The following PACRG variants were observed in gnomAD, a reference collection of about 807,000 sequenced individuals.
PACRG encodes the protein parkin coregulated gene protein.
A neutral mutation model predicts 29.7 loss-of-function variants in PACRG; 29 were observed. The ratio of observed to expected loss-of-function variants is 0.98; its 90% CI spans 0.73 to 1.33. The LOEUF is 1.33. Ranked by LOEUF, PACRG falls within the 40% of genes most tolerant of loss-of-function variation. PACRG has a pLI of 0.00. For missense variants in PACRG, 279 were observed against 316.2 expected, an observed-to-expected ratio of 0.88 and a Z score of 0.89; for synonymous variants, 116 against 118.7, an observed-to-expected ratio of 0.98 and a Z score of 0.15.
intron 2 of PACRG, among the ~76,000 whole-genome samples, chr6:163,025,260 A>G (rs540177333): frequency 1.7e-4 from 26 of 152,350 alleles, no homozygotes; most frequent in Non-Finnish European, 3.4e-4. Context: ...CAAAGAATTA[A>G]AAGCCATCCA....
At position 163,121,961 on chromosome 6, in the gene PACRG, C is replaced by T. The variant is rs140712313; in HGVS notation, c.613+32553C>T. On this transcript the variant is annotated intron_variant, in intron 4 of 4. Transcript: ENST00000366888. ...ACAGGTGTGAGCCACCACGCCTGGC[C>T]GGTGATCTTTTTCTCTTTCTCTTTT... 2.9e-3 allele frequency among the ~76,000 whole-genome samples: 440 copies of T among 152,106 alleles called. 1 individual carries two copies. The highest frequency in any genetic ancestry group is 9.8e-3 in the African/African-American group (405 of 41,484).
Position 162,991,887 on chromosome 6 carries a change from A to G in PACRG, c.292-70263A>G, listed in dbSNP as rs1413603857. On this transcript the variant is annotated intron_variant, in intron 2 of 4. Coordinates refer to ENST00000366888, the MANE Select transcript of PACRG (RefSeq NM_001080379.2). Reference sequence around the variant, plus strand: ...TATTGGCTGTGGGTTTGTCATAGATAGCTCTTATTATTTTGAAATATGTCC... The same window carrying G: ...TATTGGCTGTGGGTTTGTCATAGATGGCTCTTATTATTTTGAAATATGTCC... 5.9e-4 allele frequency among the ~76,000 whole-genome samples: 71 copies of G among 120,770 alleles called. 2 individuals are homozygous for G. In the East Asian group the frequency reaches 0.016, roughly 27 times the overall value. 79.2% of individuals were successfully genotyped at this position (120,770 alleles called of 152,430 possible).
intron 4 of PACRG, among the ~76,000 whole-genome samples, chr6:163,251,741 T>C (rs1047451023): frequency 1.3e-5 from 2 of 152,152 alleles, no homozygotes; most frequent in African/African-American, 4.8e-5. Context: ...AAAATACAAA[T>C]TCCAGGATGC....
intron 2 of PACRG, among the ~76,000 whole-genome samples, chr6:162,979,214 C>T (rs1039700697): frequency 2.0e-5 from 3 of 152,146 alleles, no homozygotes; most frequent in Admixed American, 6.6e-5. Context: ...AAGCTTGCCA[C>T]TCCCTTCCTC....
At chr6:163,240,327 G>C (rs1266453525) in intron 4 of PACRG, among the ~76,000 whole-genome samples, 1 of 152,220 alleles carries the variant, frequency 6.6e-6, no homozygotes, top group Non-Finnish European at 1.5e-5. Context: ...GACGGGGACA[G>C]AAAATTTAAG....
intron 4 of PACRG, among the ~76,000 whole-genome samples, chr6:163,286,380 A>G (rs1267045677): frequency 6.6e-6 from 1 of 152,212 alleles, no homozygotes; most frequent in African/African-American, 2.4e-5. Flanking sequence ...CACAGGTAGT[A>G]ATAAAACAAT....
At chr6:162,934,641 T>C (rs1336235594) in intron 2 of PACRG, among the ~76,000 whole-genome samples, 1 of 152,208 alleles carries the variant, frequency 6.6e-6, no homozygotes, top group Non-Finnish European at 1.5e-5. Flanking sequence ...TCTGATTATT[T>C]TGTATATCCT....
chr6:162,873,258 C>T (rs1368043277), intron 2 of PACRG, among the ~76,000 whole-genome samples: 2 of 151,974 alleles, frequency 1.3e-5, no homozygotes, highest in Non-Finnish European at 2.9e-5. Context: ...TCTGGCTTGC[C>T]ACATCTTCCT....
chr6:162,727,867 C>T (rs1779388631), upstream of PACRG: 6 of 602,480 alleles, frequency 1.0e-5, no homozygotes, highest in East Asian at 1.8e-4. Context: ...GTAGTTTCTC[C>T]TCACGCCTCC....
chr6:163,069,960 G>A (rs982851263), intron 3 of PACRG, among the ~76,000 whole-genome samples: 2 of 152,110 alleles, frequency 1.3e-5, no homozygotes, highest in African/African-American at 4.8e-5. Context: ...TAATACATCT[G>A]GCAGTAGACT....
Position 163,129,021 on chromosome 6 carries a change from T to A in PACRG, c.613+39613T>A, listed in dbSNP as rs530849036. 9.2e-5 allele frequency among the ~76,000 whole-genome samples: 14 copies of A among 152,246 alleles called. No homozygotes were observed. The South Asian group carries it at 2.7e-3, about 29-fold the overall frequency. ...ATATTTTAAAAATAACTCAAAATATTGAGGAAAACACCTAAAACCCATTGA... is the reference window on the plus strand; with the variant it reads ...ATATTTTAAAAATAACTCAAAATATAGAGGAAAACACCTAAAACCCATTGA... On this transcript the variant is annotated intron_variant, in intron 4 of 4. Coordinates refer to ENST00000366888, the MANE Select transcript of PACRG (RefSeq NM_001080379.2).
chr6:162,932,344 C>T (rs1272211330), intron 2 of PACRG, among the ~76,000 whole-genome samples: 1 of 151,986 alleles, frequency 6.6e-6, no homozygotes, highest in Non-Finnish European at 1.5e-5. Context: ...TGGGTGTACA[C>T]ATCTGTCAAA....
rs1474720810 is a variant in PACRG at position 162,773,777 on chromosome 6, A to G, written c.157-40370A>G. Among the ~76,000 whole-genome samples the G allele has an allele frequency of 2.0e-5, 3 of 152,036 alleles. No homozygotes were observed. The East Asian group carries it at 5.8e-4, about 29-fold the overall frequency. On this transcript the variant is annotated intron_variant, in intron 1 of 4. Transcript: ENST00000366888. The stretch of plus-strand genomic sequence containing the variant: ...TGATCCACCCGCCTCGGCCTCCCAA[A>G]GTGTCATTTTTTTTAATTAAATAGA...
chr6:162,888,959 T>C (rs969024671), intron 2 of PACRG, among the ~76,000 whole-genome samples: 1 of 152,196 alleles, frequency 6.6e-6, no homozygotes, highest in Non-Finnish European at 1.5e-5. Context: ...CATGCGGCCA[T>C]GGGATCAGAT....
chr6:163,187,493 C>T (rs1780001342), intron 4 of PACRG, among the ~76,000 whole-genome samples: 1 of 152,192 alleles, frequency 6.6e-6, no homozygotes, highest in Non-Finnish European at 1.5e-5. Flanking sequence ...ATCTGCTTTC[C>T]ACCCCAGACT....
chr6:163,228,379 CAAAAAAAAAAAAA>C (rs11362557), intron 4 of PACRG, among the ~76,000 whole-genome samples: 4 of 68,168 alleles, frequency 5.9e-5, no homozygotes, highest in African/African-American at 6.0e-5. Context: ...TTTAAGCAGG[CAAAAAAAAAAAAA>C]AAAAAAAAAA....
intron 1 of PACRG, among the ~76,000 whole-genome samples, chr6:162,787,582 G>GTGTGTGTGTGTATA (rs1198197561): frequency 1.6e-5 from 1 of 62,418 alleles, no homozygotes; most frequent in African/African-American, 6.0e-5. Context: ...GTGTGTGTGT[G>GTGTGTGTGTGTATA]TATATATATA....
intron 4 of PACRG, among the ~76,000 whole-genome samples, chr6:163,161,642 A>G (rs538429434): frequency 3.2e-4 from 48 of 152,324 alleles, no homozygotes; most frequent in African/African-American, 1.1e-3. Flanking sequence ...TAGAATGTGC[A>G]TGTTTCATTT....
chr6:162,875,823 G>A (rs1562688452), intron 2 of PACRG, among the ~76,000 whole-genome samples: 1 of 152,168 alleles, frequency 6.6e-6, no homozygotes, highest in African/African-American at 2.4e-5. Flanking sequence ...TATTTCCAGG[G>A]AGGTCTTCTT....
Sources: gnomAD v4.1 joint callset for allele counts (sites outside exome capture counted in the v4.1 genomes callset) on GRCh38, gnomAD v4.1.1 for gene constraint, MANE v1.5 for transcripts, NCBI Gene and HGNC (gene_info 2026-07-23, HGNC 2026-07-21) for gene names.